SHISA9: variants seen among roughly 807,000 people sequenced by gnomAD.
SHISA9 encodes shisa family member 9, also known as protein shisa-9.
A neutral mutation model predicts 38.0 loss-of-function variants in SHISA9; 13 were observed. The observed-to-expected ratio is 0.34, with a 90% CI of 0.22 to 0.54. The LOEUF is 0.54. SHISA9 is among the 20% of genes least tolerant of loss of function. The probability of loss-of-function intolerance (pLI) is 0.91; values close to 1 mark genes in which losing one functional copy is unlikely to be tolerated. For synonymous variants in SHISA9, 275 were observed against 242.0 expected, an observed-to-expected ratio of 1.14 and a Z score of -1.27; for missense variants, 538 against 575.8, an observed-to-expected ratio of 0.93 and a Z score of 0.67.
At chr16:12,983,553 A>G (rs999241273) in intron 2 of SHISA9, among the ~76,000 whole-genome samples, 12 of 152,158 alleles carry the variant, frequency 7.9e-5, no homozygotes, top group Admixed American at 7.2e-4. Context: ...CAGTGGCACA[A>G]TCTCGGCTCA....
At chr16:13,534,467 C>T in the SHISA9 span, among the ~76,000 whole-genome samples, 4 of 152,260 alleles carry the variant, frequency 2.6e-5, no homozygotes, top group South Asian at 2.1e-4. Flanking sequence ...TCAGGTGATC[C>T]GCCTGCCTTG....
chr16:13,516,311 A>T, the SHISA9 span, among the ~76,000 whole-genome samples: 1 of 152,260 alleles, frequency 6.6e-6, no homozygotes, highest in Non-Finnish European at 1.5e-5. Context: ...ATGAAGGTTC[A>T]TAATCACCCT....
chr16:13,337,105 A>C, the SHISA9 span, among the ~76,000 whole-genome samples: 49 of 152,294 alleles, frequency 3.2e-4, no homozygotes, highest in African/African-American at 1.1e-3. Flanking sequence ...CATTAGTGGG[A>C]GAGCCCATGC....
At chr16:13,470,823 T>G in the SHISA9 span, among the ~76,000 whole-genome samples, 8 of 152,226 alleles carry the variant, frequency 5.3e-5, no homozygotes, top group Middle Eastern at 3.4e-3. Context: ...TTAAAGTCCT[T>G]GTCTCAGAGT....
chr16:13,077,792 AGCT>A (rs939570886), intron 2 of SHISA9, among the ~76,000 whole-genome samples: 3 of 133,406 alleles, frequency 2.2e-5, no homozygotes, highest in African/African-American at 8.4e-5. Flanking sequence ...GGAGTGCAAC[AGCT>A]GCCACTTCTA....
At chr16:13,522,824 T>A in the SHISA9 span, among the ~76,000 whole-genome samples, 1 of 152,114 alleles carries the variant, frequency 6.6e-6, no homozygotes, top group African/African-American at 2.4e-5. Context: ...TCATCCCCAT[T>A]GGTAATAGCA....
the SHISA9 span, among the ~76,000 whole-genome samples, chr16:13,303,318 C>T: frequency 6.6e-6 from 1 of 152,118 alleles, no homozygotes; most frequent in African/African-American, 2.4e-5. Flanking sequence ...AAGGAGGAAA[C>T]AGCCCACATC....
Position 13,015,469 on chromosome 16 carries a change from G to A in SHISA9, c.691+98654G>A, listed in dbSNP as rs1315394636. ...TGATGAGTGGGAGATCCGATGTTTG[G>A]ACTCCAGTCGGCATCTCCAAAGCCA... On this transcript the variant is annotated intron_variant, in intron 2 of 4. Transcript: ENST00000558583. Among the ~76,000 whole-genome samples, 7 of 152,338 alleles carry A rather than the reference G, an allele frequency of 4.6e-5. No individual in the cohort carries two copies. The East Asian group carries it at 1.2e-3, about 25-fold the overall frequency.
chr16:13,462,703 T>G, the SHISA9 span, among the ~76,000 whole-genome samples: 1 of 152,092 alleles, frequency 6.6e-6, no homozygotes, highest in Non-Finnish European at 1.5e-5. Flanking sequence ...GGCTCACACG[T>G]GTAATCGTAG....
the SHISA9 span, among the ~76,000 whole-genome samples, chr16:13,546,890 G>A: frequency 6.6e-6 from 1 of 152,132 alleles, no homozygotes; most frequent in Non-Finnish European, 1.5e-5. Context: ...GACCCCTGTG[G>A]TATATCATCT....
At chr16:13,472,911 T>C in the SHISA9 span, among the ~76,000 whole-genome samples, 31 of 152,226 alleles carry the variant, frequency 2.0e-4, no homozygotes, top group Non-Finnish European at 2.4e-4. Flanking sequence ...TGAATACAGT[T>C]ATAATAACGA....
intron 2 of SHISA9, among the ~76,000 whole-genome samples, chr16:13,133,377 A>T (rs1212389264): frequency 1.3e-5 from 2 of 152,218 alleles, no homozygotes; most frequent in Non-Finnish European, 2.9e-5. Context: ...CATTTTCTTG[A>T]AAAAAGTAAT....
intron 2 of SHISA9, among the ~76,000 whole-genome samples, chr16:12,955,202 A>C (rs1337926135): frequency 6.6e-6 from 1 of 152,152 alleles, no homozygotes; most frequent in African/African-American, 2.4e-5. Flanking sequence ...TGGGCATGTC[A>C]GGACTGGCTG....
At chr16:13,025,214 A>G (rs1167649490) in intron 2 of SHISA9, among the ~76,000 whole-genome samples, 1 of 152,164 alleles carries the variant, frequency 6.6e-6, no homozygotes, top group Non-Finnish European at 1.5e-5. Context: ...AGGGCTAATT[A>G]TTACTTTCCT....
Position 13,134,812 on chromosome 16 carries a change from A to C in SHISA9, c.692-68582A>C, listed in dbSNP as rs533830189. 2.3e-4 allele frequency among the ~76,000 whole-genome samples: 35 copies of C among 152,240 alleles called. No homozygotes were observed. The South Asian group carries it at 7.3e-3, about 32-fold the overall frequency. On this transcript the variant is annotated intron_variant, in intron 2 of 4. Coordinates refer to ENST00000558583, the MANE Select transcript of SHISA9 (RefSeq NM_001145204.3). ...CTATATCTCACATATGTCATCGTCC[A>C]ATGTATGGAGTGCCTCTAGCTCTGC...
the SHISA9 span, among the ~76,000 whole-genome samples, chr16:13,324,777 G>C: frequency 6.6e-6 from 1 of 152,176 alleles, no homozygotes; most frequent in Non-Finnish European, 1.5e-5. Context: ...TGCCTGAAGT[G>C]ATTGTATTAC....
intron 2 of SHISA9, among the ~76,000 whole-genome samples, chr16:13,114,378 A>G (rs976757355): frequency 1.6e-4 from 23 of 146,290 alleles, no homozygotes; most frequent in African/African-American, 5.6e-4. Flanking sequence ...AGGCAGCAGA[A>G]TTGCTTGAAC....
chr16:13,325,662 C>G, the SHISA9 span, among the ~76,000 whole-genome samples: 3,041 of 152,190 alleles, frequency 0.02, 84 homozygotes, highest in African/African-American at 0.069. Context: ...AAAGCCCTGA[C>G]GACTAGGAGA....
the SHISA9 span, among the ~76,000 whole-genome samples, chr16:13,376,548 A>T: frequency 6.6e-6 from 1 of 152,216 alleles, no homozygotes; most frequent in Non-Finnish European, 1.5e-5. Context: ...AAGAGAAAGT[A>T]AAGTTGCAGA....
Sources: allele counts gnomAD v4.1 joint callset (sites outside exome capture counted in the v4.1 genomes callset), GRCh38; gene constraint gnomAD v4.1.1; transcripts MANE v1.5; gene names NCBI Gene and HGNC (gene_info 2026-07-23, HGNC 2026-07-21).